Variants in VRK2 observed in about 807,000 individuals in gnomAD.
The protein encoded by VRK2 is VRK serine/threonine kinase 2.
Under a neutral mutation model 57.6 loss-of-function variants are expected in VRK2, and 60 were observed. The observed-to-expected ratio is 1.04, with a 90% CI of 0.85 to 1.29. The LOEUF is 1.29. Ranked by LOEUF, VRK2 falls within the 50% of genes most tolerant of loss-of-function variation. VRK2 has a pLI of 0.00. For missense variants in VRK2, 705 were observed against 588.1 expected, an observed-to-expected ratio of 1.20 and a Z score of -2.06; for synonymous variants, 231 against 199.2, an observed-to-expected ratio of 1.16 and a Z score of -1.35.
intron 1 of VRK2, among the ~76,000 whole-genome samples, chr2:58,022,427 T>A (rs1355349646): frequency 1.3e-5 from 2 of 152,202 alleles, no homozygotes; most frequent in East Asian, 3.8e-4. Flanking sequence ...ACGTAGACAT[T>A]ATGTTTCTAA....
chr2:58,014,444 A>C (rs1478077572), intron 1 of VRK2, among the ~76,000 whole-genome samples: 1 of 152,254 alleles, frequency 6.6e-6, no homozygotes, highest in Non-Finnish European at 1.5e-5. Flanking sequence ...TCGTAAAACC[A>C]GTGATCAATT....
chr2:57,997,363 G>A (rs1372506752), intron 1 of VRK2, among the ~76,000 whole-genome samples: 2 of 152,018 alleles, frequency 1.3e-5, no homozygotes, highest in African/African-American at 2.4e-5. Context: ...AATGGTAGAA[G>A]GCCTAAGAAT....
intron 10 of VRK2, among the ~76,000 whole-genome samples, chr2:58,136,924 GTATATATCATATATAT>G (rs1385730575): frequency 7.6e-5 from 9 of 117,702 alleles, no homozygotes; most frequent in Non-Finnish European, 1.3e-4. Flanking sequence ...TCATATATGT[GTATATATCATATATAT>G]TATATATCAT....
At chr2:57,954,518 C>A (rs563604085) in intron 1 of VRK2, among the ~76,000 whole-genome samples, 1 of 152,080 alleles carries the variant, frequency 6.6e-6, no homozygotes, top group South Asian at 2.1e-4. Context: ...GCTGAATCTT[C>A]AATATGCAGT....
At chr2:58,056,821 A>C (rs1000396199) in intron 2 of VRK2, among the ~76,000 whole-genome samples, 3 of 152,182 alleles carry the variant, frequency 2.0e-5, no homozygotes, top group African/African-American at 7.2e-5. Context: ...TCTAACGAAA[A>C]GGCAAGCAAC....
chr2:58,028,899 A>T (rs867847223), intron 2 of VRK2, among the ~76,000 whole-genome samples: 60 of 80,794 alleles, frequency 7.4e-4, no homozygotes, highest in African/African-American at 2.4e-3. Context: ...TAAATAAATA[A>T]ATAAATATAT....
chr2:58,066,995 A>T (rs1668696609), intron 2 of VRK2, among the ~76,000 whole-genome samples: 1 of 152,204 alleles, frequency 6.6e-6, no homozygotes, highest in Non-Finnish European at 1.5e-5. Context: ...GCAGCATCTA[A>T]TCAGCTTCCA....
chr2:57,911,923 T>TTATATTCCCAGAA (rs1669997589), intron 1 of VRK2, among the ~76,000 whole-genome samples: 1 of 152,186 alleles, frequency 6.6e-6, no homozygotes, highest in Admixed American at 6.5e-5. Context: ...ATATAATGAG[T>TTATATTCCCAGAA]TATAAGAGAT....
intron 1 of VRK2, among the ~76,000 whole-genome samples, chr2:57,917,054 T>C (rs185801848): frequency 2.2e-4 from 34 of 152,282 alleles, no homozygotes; most frequent in Admixed American, 1.8e-3. Context: ...GATGAATCAT[T>C]AGGTTCTAAT....
At chr2:58,070,221 T>C (rs1011323266) in intron 2 of VRK2, among the ~76,000 whole-genome samples, 1 of 152,192 alleles carries the variant, frequency 6.6e-6, no homozygotes, top group Non-Finnish European at 1.5e-5. Flanking sequence ...TTTGTTGTTA[T>C]TTGTTTTTTC....
intron 1 of VRK2, among the ~76,000 whole-genome samples, chr2:57,966,769 T>C (rs7558693): frequency 0.12 from 18,798 of 152,038 alleles, 1,238 homozygotes; most frequent in East Asian, 0.18. Context: ...TTTAAGAGAG[T>C]TACTAGTTTA....
intron 1 of VRK2, among the ~76,000 whole-genome samples, chr2:58,013,427 C>G (rs1353161795): frequency 6.6e-6 from 1 of 152,168 alleles, no homozygotes; most frequent in East Asian, 1.9e-4. Context: ...AGAAATAAGT[C>G]AAAATGCTCT....
intron 1 of VRK2, among the ~76,000 whole-genome samples, chr2:57,950,477 T>G (rs1357912507): frequency 6.6e-6 from 1 of 152,216 alleles, no homozygotes; most frequent in Non-Finnish European, 1.5e-5. Context: ...CATGGTTCAC[T>G]GAACATTTTA....
intron 2 of VRK2, among the ~76,000 whole-genome samples, chr2:58,061,256 A>T (rs1429790668): frequency 1.3e-5 from 2 of 151,966 alleles, no homozygotes; most frequent in African/African-American, 4.8e-5. Context: ...ATAATAATAA[A>T]AACAGCTAAG....
rs139705175 is a variant in VRK2, at chr2:57,990,422, G to A, written c.-438-35243G>A. Among the ~76,000 whole-genome samples the A allele has an allele frequency of 6.5e-4, 99 of 152,284 alleles. No individual in the cohort carries two copies. In the East Asian group the frequency reaches 0.018, roughly 27 times the overall value. Reference sequence around the variant, plus strand: ...GTACTGAAAATGAGTATGTCATACTGAGCTGAAAGAAAAGAATTATTCAGG... The same window carrying A: ...GTACTGAAAATGAGTATGTCATACTAAGCTGAAAGAAAAGAATTATTCAGG... On this transcript the variant is annotated intron_variant, in intron 1 of 15. Transcript: ENST00000417641.
intron 2 of VRK2, among the ~76,000 whole-genome samples, chr2:58,066,742 G>A (rs1330532670): frequency 1.3e-5 from 2 of 152,086 alleles, no homozygotes; most frequent in East Asian, 1.9e-4. Flanking sequence ...AAAAAAAATG[G>A]TTTCACTTTC....
rs935965144 is a variant in VRK2 at position 57,991,436 on chromosome 2, C to T, written c.-438-34229C>T. On this transcript the variant is annotated intron_variant, in intron 1 of 15. Transcript: ENST00000417641. ...GTCGTGAAGAATCTGGATATAGTTA[C>T]CCAGGGAAAAGCATTACAAATAGTT... 2.0e-5 allele frequency among the ~76,000 whole-genome samples: 3 copies of T among 151,038 alleles called. No homozygotes were observed. In the South Asian group the frequency reaches 6.3e-4, roughly 32 times the overall value.
At chr2:57,929,018 G>T (rs1181439565) in intron 1 of VRK2, among the ~76,000 whole-genome samples, 1 of 152,156 alleles carries the variant, frequency 6.6e-6, no homozygotes, top group Non-Finnish European at 1.5e-5. Flanking sequence ...AGCCACCATG[G>T]TCTGTGTCTT....
intron 1 of VRK2, among the ~76,000 whole-genome samples, chr2:57,952,460 G>A (rs889536933): frequency 3.3e-4 from 51 of 152,256 alleles, no homozygotes; most frequent in African/African-American, 1.2e-3. Flanking sequence ...TCGCTTCATT[G>A]TTATTTCTTC....
Sources: gnomAD v4.1 joint callset for allele counts (sites outside exome capture counted in the v4.1 genomes callset) on GRCh38, gnomAD v4.1.1 for gene constraint, MANE v1.5 for transcripts, NCBI Gene and HGNC (gene_info 2026-07-23, HGNC 2026-07-21) for gene names.